NARS2: variants seen among roughly 807,000 people sequenced by gnomAD.
NARS2 encodes the protein asparaginyl-tRNA synthetase.
NARS2 carries 60 observed loss-of-function variants against 62.9 expected under a neutral mutation model. The observed-to-expected ratio is 0.95, with a 90% CI of 0.77 to 1.18. NARS2 has a LOEUF of 1.18. Among genes scored for constraint, NARS2 ranks in the 50% most tolerant of loss-of-function variants. The probability of loss-of-function intolerance (pLI) is 0.00; values close to 1 mark genes in which losing one functional copy is unlikely to be tolerated. For missense variants in NARS2, 619 were observed against 576.4 expected (o/e 1.07, Z -0.76); for synonymous variants, 196 against 200.0 (o/e 0.98, Z 0.17).
chr11:78,536,566 G>GA (rs1218271656), intron 5 of NARS2, among the ~76,000 whole-genome samples: 1 of 151,812 alleles, frequency 6.6e-6, no homozygotes, highest in Non-Finnish European at 1.5e-5. Flanking sequence ...ATCTCTAATA[G>GA]AAAAAAGCTT....
At chr11:78,559,913 TAGTC>T (rs1238468821) in intron 4 of NARS2, among the ~76,000 whole-genome samples, 2 of 152,196 alleles carry the variant, frequency 1.3e-5, no homozygotes, top group Admixed American at 6.5e-5. Context: ...GTTACACAAT[TAGTC>T]AGTGGCTGAG....
intron 11 of NARS2, among the ~76,000 whole-genome samples, chr11:78,461,290 A>G (rs1326780607): frequency 6.6e-6 from 1 of 152,204 alleles, no homozygotes; most frequent in Non-Finnish European, 1.5e-5. Flanking sequence ...GAGGAATTCC[A>G]ACACCTGATG....
chr11:78,563,530 A>G (rs1413863218), intron 4 of NARS2, among the ~76,000 whole-genome samples: 1 of 151,610 alleles, frequency 6.6e-6, no homozygotes. Context: ...ATGTTTTTCA[A>G]ATTTCATTTT....
At chr11:78,454,789 T>C (rs1858099135) in intron 11 of NARS2, among the ~76,000 whole-genome samples, 1 of 152,036 alleles carries the variant, frequency 6.6e-6, no homozygotes, top group African/African-American at 2.4e-5. Flanking sequence ...CAGCTAATTT[T>C]TCGTATTTTT....
At chr11:78,505,456 T>A (rs1860457660) in intron 6 of NARS2, among the ~76,000 whole-genome samples, 1 of 149,442 alleles carries the variant, frequency 6.7e-6, no homozygotes, top group Non-Finnish European at 1.5e-5. Flanking sequence ...CTGATGGAGT[T>A]TTTTTTTTTT....
chr11:78,439,032 G>A (rs1857496385), intron 13 of NARS2, among the ~76,000 whole-genome samples: 1 of 151,292 alleles, frequency 6.6e-6, no homozygotes. Context: ...CTGGGGTGCA[G>A]TCTGTATTTA....
At chr11:78,516,980 G>A (rs1010929002) in intron 6 of NARS2, among the ~76,000 whole-genome samples, 7 of 152,302 alleles carry the variant, frequency 4.6e-5, no homozygotes, top group African/African-American at 1.7e-4. Context: ...TGGTGGTTAA[G>A]GTTCTGGGTG....
Position 78,505,823 on chromosome 11 carries a change from T to C in NARS2, c.690-12628A>G, listed in dbSNP as rs577700548. On this transcript the variant is annotated intron_variant, in intron 6 of 13. Coordinates refer to ENST00000281038, the MANE Select transcript of NARS2 (RefSeq NM_024678.6). ...AATGTTGGCAATCTTTTGGACAGGA[T>C]AAAGAAATTCATGAACCACATAAGA... Among the ~76,000 whole-genome samples, 3 of 152,096 alleles carry C rather than the reference T, an allele frequency of 2.0e-5. No individual in the cohort carries two copies. In the South Asian group the frequency reaches 6.2e-4, roughly 32 times the overall value.
intron 4 of NARS2, among the ~76,000 whole-genome samples, chr11:78,564,925 G>GT (rs1856693089): frequency 6.6e-6 from 1 of 152,204 alleles, no homozygotes; most frequent in Non-Finnish European, 1.5e-5. Flanking sequence ...AACCTTCTTG[G>GT]TGAGACTGGG....
chr11:78,468,530 G>A (rs932958174), intron 10 of NARS2, among the ~76,000 whole-genome samples: 2 of 150,468 alleles, frequency 1.3e-5, no homozygotes, highest in African/African-American at 4.9e-5. Flanking sequence ...TCAGCCTCCT[G>A]AGTAGCTGGG....
chr11:78,521,160 CTCTT>C (rs199989780), intron 6 of NARS2, among the ~76,000 whole-genome samples: 43 of 145,956 alleles, frequency 2.9e-4, no homozygotes, highest in African/African-American at 4.5e-4. Context: ...CTTATTCTCT[CTCTT>C]TCTTTTTTTT....
At chr11:78,558,998 A>C (rs1856465000) in intron 5 of NARS2, among the ~76,000 whole-genome samples, 1 of 152,146 alleles carries the variant, frequency 6.6e-6, no homozygotes, top group Non-Finnish European at 1.5e-5. Flanking sequence ...AAGTAAATAG[A>C]GTGCTAAATT....
chr11:78,545,799 A>G (rs1477009798), intron 5 of NARS2, among the ~76,000 whole-genome samples: 1 of 151,978 alleles, frequency 6.6e-6, no homozygotes, highest in Non-Finnish European at 1.5e-5. Context: ...TGGCCTACCA[A>G]CGTGCTGGGA....
chr11:78,464,260 C>T lies in NARS2; in HGVS notation c.1164+1616G>A, dbSNP rs538737776. ...CTGCAGATCTTCGCGGTGAGTGTTA[C>T]AGCTCATAAAGGCAGTGTGGACCCA... On this transcript the variant is annotated intron_variant, in intron 11 of 13. Coordinates refer to ENST00000281038, the MANE Select transcript of NARS2 (RefSeq NM_024678.6). Among the ~76,000 whole-genome samples the T allele has an allele frequency of 1.1e-4, 17 of 152,212 alleles. No individual in the cohort carries two copies. The South Asian group carries it at 2.1e-3, about 19-fold the overall frequency.
intron 5 of NARS2, among the ~76,000 whole-genome samples, chr11:78,548,791 T>C (rs535763737): frequency 6.6e-6 from 1 of 152,004 alleles, no homozygotes; most frequent in South Asian, 2.1e-4. Flanking sequence ...AAATGTTATT[T>C]AAAAAAAAAT....
chr11:78,492,941 A>G, intron 7 of NARS2, 122 bp downstream of exon 7: 1 of 779,826 alleles, frequency 1.3e-6, no homozygotes, highest in South Asian at 1.9e-5. Flanking sequence ...AGTGTTTATT[A>G]AGTAGTTACC....
intron 11 of NARS2, among the ~76,000 whole-genome samples, chr11:78,446,984 T>C (rs2135150923): frequency 6.6e-6 from 1 of 150,698 alleles, no homozygotes; most frequent in East Asian, 2.0e-4. Context: ...AAGGAACTCA[T>C]ACAACTCAAC....
At chr11:78,494,469 C>CT (rs11437113) in intron 6 of NARS2, among the ~76,000 whole-genome samples, 89,497 of 133,188 alleles carry the variant, frequency 0.67, 30,339 homozygotes, top group Non-Finnish European at 0.76. Flanking sequence ...TTTTCTTTTT[C>CT]TTTTTTTTTT....
chr11:78,479,654 C>A (rs1265876606), intron 7 of NARS2, among the ~76,000 whole-genome samples: 1 of 152,188 alleles, frequency 6.6e-6, no homozygotes, highest in Non-Finnish European at 1.5e-5. Flanking sequence ...GGTTTTAAAT[C>A]AACAAGACAA....
Sources: allele counts gnomAD v4.1 joint callset (sites outside exome capture counted in the v4.1 genomes callset), GRCh38; gene constraint gnomAD v4.1.1; transcripts MANE v1.5; gene names NCBI Gene and HGNC (gene_info 2026-07-23, HGNC 2026-07-21).